The following DNAH3 variants were observed in gnomAD, a reference collection of about 807,000 sequenced individuals.
DNAH3 encodes axonemal beta dynein heavy chain 3.
A neutral mutation model predicts 432.5 loss-of-function variants in DNAH3; 332 were observed. That is an observed-to-expected ratio of 0.77 (90% CI 0.70 to 0.84). DNAH3 has a LOEUF of 0.84. DNAH3 is among the 40% of genes least tolerant of loss of function. The pLI is 0.00. For missense variants in DNAH3, 4,861 were observed against 5,114.0 expected, an observed-to-expected ratio of 0.95 and a Z score of 1.51; for synonymous variants, 1,956 against 1,900.2, an observed-to-expected ratio of 1.03 and a Z score of -0.76.
chr16:21,049,418 TC>T (rs2089859319), intron 31 of DNAH3, 150 bp downstream of exon 31: 7 of 603,802 alleles, frequency 1.2e-5, no homozygotes, highest in South Asian at 8.4e-5. Flanking sequence ...TCCTTGAGAG[TC>T]CTTTTGTTTA....
intron 56 of DNAH3, among the ~76,000 whole-genome samples, chr16:20,949,052 C>A (rs891637305): frequency 6.6e-6 from 1 of 152,036 alleles, no homozygotes; most frequent in Non-Finnish European, 1.5e-5. Context: ...CCACTTTCTT[C>A]GGCAATAAAA....
At chr16:21,007,212 CTT>C (rs1269851987) in intron 41 of DNAH3, among the ~76,000 whole-genome samples, 30 of 140,548 alleles carry the variant, frequency 2.1e-4, no homozygotes, top group Admixed American at 2.9e-4. Context: ...TTTGTATATC[CTT>C]TTTTTTTTTT....
intron 41 of DNAH3, among the ~76,000 whole-genome samples, chr16:21,014,785 T>C (rs2087778934): frequency 2.0e-5 from 3 of 152,096 alleles, no homozygotes; most frequent in Non-Finnish European, 2.9e-5. Flanking sequence ...CTTTTCTATA[T>C]ACAGGCAATG....
chr16:21,112,731 A>G (rs542548678), intron 12 of DNAH3, among the ~76,000 whole-genome samples: 2 of 152,182 alleles, frequency 1.3e-5, no homozygotes, highest in South Asian at 4.2e-4. Context: ...ATGTCCTCAA[A>G]TTTAAAACCA....
chr16:21,158,145 C>G (rs1177583499), intron 1 of DNAH3, among the ~76,000 whole-genome samples: 1 of 152,226 alleles, frequency 6.6e-6, no homozygotes, highest in Non-Finnish European at 1.5e-5. Flanking sequence ...TCTTGTCTCT[C>G]TCAGCCTGGA....
Position 21,016,113 on chromosome 16 carries a change from T to C in DNAH3, c.6022+3511A>G, listed in dbSNP as rs151293749. 1.5e-4 allele frequency among the ~76,000 whole-genome samples: 23 copies of C among 152,288 alleles called. No individual in the cohort carries two copies. The East Asian group carries it at 3.9e-3, about 26-fold the overall frequency. ...CGAGATATGATTTTCATATTTCAAA[T>C]TGCTTGAGATTTTGAAAAGGCAATA... On this transcript the variant is annotated intron_variant, in intron 41 of 61. Coordinates refer to ENST00000261383, the Ensembl canonical transcript of DNAH3.
rs1314946862 is a variant in DNAH3 at position 20,954,988 on chromosome 16, G to A, written c.10896C>T (p.Thr3632=). Residue 3632 remains threonine, a synonymous_variant, in exon 55 of 62, where the codon ACC becomes ACT. Coordinates refer to ENST00000261383, the Ensembl canonical transcript of DNAH3. ...CCCGGAGCCCTTTGGGGGGCTCATT[G>A]GTCATTTTGATTCCATTCTGGAGAA... The A allele has an allele frequency of 1.9e-6, 3 of 1,614,086 alleles. No individual in the cohort carries two copies. In the East Asian group the frequency reaches 6.7e-5, roughly 36 times the overall value.
chr16:21,033,051 C>G (rs1033872260), intron 36 of DNAH3, among the ~76,000 whole-genome samples: 2 of 152,154 alleles, frequency 1.3e-5, no homozygotes, highest in African/African-American at 4.8e-5. Context: ...ACTGCAGCCA[C>G]AAACTCCTGA....
chr16:21,068,605 G>A (rs140102904), intron 23 of DNAH3, among the ~76,000 whole-genome samples: 62 of 152,286 alleles, frequency 4.1e-4, no homozygotes, highest in East Asian at 1.9e-3. Flanking sequence ...GTGAGCCACC[G>A]CACTCAGCCA....
chr16:21,116,319 C>T (rs1597407419), intron 12 of DNAH3, among the ~76,000 whole-genome samples: 1 of 151,958 alleles, frequency 6.6e-6, no homozygotes. Context: ...GGGAAGGACT[C>T]GGTGGGAGGT....
intron 14 of DNAH3, among the ~76,000 whole-genome samples, chr16:21,106,898 T>C (rs566137775): frequency 6.6e-6 from 1 of 152,284 alleles, no homozygotes; most frequent in South Asian, 2.1e-4. Context: ...ATAATACCTG[T>C]TATGTATTAA....
intron 61 of DNAH3, among the ~76,000 whole-genome samples, chr16:20,934,121 A>G (rs1340587299): frequency 6.6e-6 from 1 of 152,008 alleles, no homozygotes; most frequent in East Asian, 1.9e-4. Context: ...GAGAATAGGG[A>G]GGGGTGGGGA....
chr16:21,149,538 G>T (rs763527511), intron 1 of DNAH3, among the ~76,000 whole-genome samples: 1 of 152,158 alleles, frequency 6.6e-6, no homozygotes. Context: ...CCAAATGCTC[G>T]TCTGAGGACG....
intron 31 of DNAH3, among the ~76,000 whole-genome samples, chr16:21,042,498 G>T: frequency 6.6e-6 from 1 of 152,038 alleles, no homozygotes; most frequent in Admixed American, 6.6e-5. Context: ...TTGGTTCAAA[G>T]ATCAGGGATT....
chr16:20,971,568 A>T (rs2085343712), intron 51 of DNAH3, among the ~76,000 whole-genome samples: 1 of 152,114 alleles, frequency 6.6e-6, no homozygotes, highest in Non-Finnish European at 1.5e-5. Flanking sequence ...CACTCCCTGG[A>T]AGAGGGATGG....
rs188595074 is a variant in DNAH3 at position 21,121,860 on chromosome 16, G to A, written c.1584+85C>T. The A allele has an allele frequency of 4.6e-4, 555 of 1,201,036 alleles. 4 individuals carry two copies. In the African/African-American group the frequency reaches 8.0e-3, roughly 17 times the overall value. 74.4% of individuals were successfully genotyped at this position (1,201,036 alleles called of 1,614,324 possible). A position where few individuals can be genotyped will look rare whatever the true frequency, so the allele number is the denominator to read the frequency against. On this transcript the variant is annotated intron_variant, in intron 10 of 61. Transcript: ENST00000261383. ...AGCTCCCTTAACTGAATATCCCAGC[G>A]ACCTGACTTGTACAACCTCTTTCAA... is the stretch of plus-strand genomic sequence containing the variant.
At chr16:20,946,531 C>G (rs1176011219) in intron 57 of DNAH3, among the ~76,000 whole-genome samples, 1 of 152,132 alleles carries the variant, frequency 6.6e-6, no homozygotes, top group Admixed American at 6.6e-5. Flanking sequence ...TAAATCTCTT[C>G]AAATATTTTA....
At chr16:21,061,007 T>G (rs115774298) in intron 25 of DNAH3, among the ~76,000 whole-genome samples, 3,199 of 151,316 alleles carry the variant, frequency 0.021, 119 homozygotes, top group African/African-American at 0.073. Flanking sequence ...CCGGCTAACT[T>G]TTAAATTTTT....
At chr16:20,949,249 G>A (rs1443218503) in intron 56 of DNAH3, among the ~76,000 whole-genome samples, 1 of 117,848 alleles carries the variant, frequency 8.5e-6, no homozygotes, top group Non-Finnish European at 1.7e-5. Flanking sequence ...CTGGGTGACA[G>A]AGGGAGACTG....
Sources: allele counts gnomAD v4.1 joint callset (sites outside exome capture counted in the v4.1 genomes callset), GRCh38; gene constraint gnomAD v4.1.1; transcripts MANE v1.5; gene names NCBI Gene and HGNC (gene_info 2026-07-23, HGNC 2026-07-21).